Variants in ZNF532 observed in about 807,000 individuals in gnomAD.
ZNF532 encodes the protein zinc finger protein 532.
In ZNF532, 22 loss-of-function variants were observed where a neutral mutation model predicts 89.3. The observed-to-expected ratio is 0.25, with a 90% CI of 0.18 to 0.35. The LOEUF is 0.35. Among genes scored for constraint, ZNF532 ranks in the 10% least tolerant of loss-of-function variants. The pLI is 1.00. For missense variants in ZNF532, 1,132 were observed against 1,643.4 expected (o/e 0.69, Z 5.38); for synonymous variants, 606 against 649.6 (o/e 0.93, Z 1.02).
intron 2 of ZNF532, 23 bp downstream of exon 2, chr18:58,865,602 T>G (rs1270107310): frequency 6.5e-6 from 1 of 153,004 alleles, no homozygotes; most frequent in Non-Finnish European, 1.5e-5. Flanking sequence ...GTTTTGAGCA[T>G]GAATTTAAAT....
At chr18:58,893,809 C>G (rs1009312155) in intron 2 of ZNF532, among the ~76,000 whole-genome samples, 1 of 152,038 alleles carries the variant, frequency 6.6e-6, no homozygotes, top group Admixed American at 6.5e-5. Context: ...AAAGGTTTGC[C>G]TTTTGCTTCT....
At chr18:58,978,799 T>TCATAC (rs1370249886) in intron 7 of ZNF532, among the ~76,000 whole-genome samples, 1 of 152,222 alleles carries the variant, frequency 6.6e-6, no homozygotes, top group African/African-American at 2.4e-5. Flanking sequence ...TATTCTTGTT[T>TCATAC]CATACATACC....
rs1365882513 is a variant in ZNF532 at position 58,985,552 on chromosome 18, T to C, written c.*1086T>C. ...CAATGCAGCCGCCTGTGTATTGCAA[T>C]TGGCCGTTACCTTAAGCACTGAGCC... is the stretch of plus-strand genomic sequence containing the variant. On this transcript the variant is annotated 3_prime_UTR_variant, in exon 10 of 10. Coordinates refer to ENST00000591808, the MANE Select transcript of ZNF532 (RefSeq NM_001375912.1). 1.3e-5 allele frequency: 2 copies of C among 152,596 alleles called. No homozygotes were observed. Among genetic ancestry groups the C allele is most frequent in the Non-Finnish European group, 2.9e-5 (2 of 68,028 alleles). 9.5% of individuals were successfully genotyped at this position (152,596 alleles called of 1,614,324 possible). A position where few individuals can be genotyped will look rare whatever the true frequency, so the allele number is the denominator to read the frequency against.
intron 2 of ZNF532, among the ~76,000 whole-genome samples, chr18:58,887,801 C>A (rs1276038131): frequency 6.6e-6 from 1 of 152,134 alleles, no homozygotes; most frequent in Non-Finnish European, 1.5e-5. Context: ...CACACCGAGT[C>A]GGGGCGAGCT....
intron 4 of ZNF532, among the ~76,000 whole-genome samples, 169 bp from the exon 5 acceptor site, chr18:58,939,276 C>A (rs1350515427): frequency 1.8e-3 from 154 of 86,038 alleles, no homozygotes; most frequent in African/African-American, 3.8e-3. Flanking sequence ...AAAAAAAAAA[C>A]CCATAAACAA....
intron 2 of ZNF532, among the ~76,000 whole-genome samples, chr18:58,879,393 C>T (rs1425368307): frequency 6.6e-6 from 1 of 152,084 alleles, no homozygotes; most frequent in Admixed American, 6.6e-5. Context: ...ATGCAAGTGG[C>T]GACTGCCTTT....
chr18:58,970,090 T>A (rs2066320670), intron 7 of ZNF532, among the ~76,000 whole-genome samples: 1 of 152,184 alleles, frequency 6.6e-6, no homozygotes, highest in African/African-American at 2.4e-5. Flanking sequence ...TTCACTATGT[T>A]GGTCAGGCTG....
chr18:58,918,503 C>G lies in ZNF532; in HGVS notation c.216C>G (p.Asp72Glu), dbSNP rs745845218. The stretch of plus-strand genomic sequence containing the variant: ...TCGTCAAGAATGTTCGGAACATTGA[C>G]TCTTCCGAGGGCGGGGAGAAAGACG... ...SVIVKNVRNI[D>E]SSEGGEKDGH... Residue 72 changes from aspartate to glutamate, a missense_variant, in exon 3 of 10, where the codon GAC (aspartate) becomes GAG (glutamate). This residue lies in a region of ZNF532 where 302 missense variants were observed against 319.8 expected (regional missense o/e 0.94). Coordinates refer to ENST00000591808, the MANE Select transcript of ZNF532 (RefSeq NM_001375912.1). 2 of 1,614,214 alleles carry G rather than the reference C, an allele frequency of 1.2e-6. No homozygotes were observed. Among genetic ancestry groups the G allele is most frequent in the Non-Finnish European group, 1.7e-6 (2 of 1,180,040 alleles).
At chr18:58,966,737 T>TG (rs1473311358) in intron 7 of ZNF532, among the ~76,000 whole-genome samples, 1 of 125,182 alleles carries the variant, frequency 8.0e-6, no homozygotes, top group African/African-American at 4.2e-5. Flanking sequence ...CATTTTTTTG[T>TG]GTTTTTTTTT....
chr18:58,888,871 ATATATT>A lies in ZNF532; in HGVS notation c.-18+23293_-18+23298del, dbSNP rs2058653958. Among the ~76,000 whole-genome samples the A allele has an allele frequency of 1.7e-4, 9 of 53,062 alleles. 1 individual carries two copies. The South Asian group carries it at 4.8e-3, about 28-fold the overall frequency. The allele number at this position is 53,062 out of a possible 152,430, so 34.8% of individuals were successfully genotyped here. ...TATATATAATTTATATATATATAATATATATTATATATATATATTTTATATATATAT... is the reference window on the plus strand; with the variant it reads ...TATATATAATTTATATATATATAATAATATATATATATTTTATATATATAT... On this transcript the variant is annotated intron_variant, in intron 2 of 9. Transcript: ENST00000591808.
At chr18:58,922,435 C>G (rs1291532664) in intron 3 of ZNF532, among the ~76,000 whole-genome samples, 1 of 152,136 alleles carries the variant, frequency 6.6e-6, no homozygotes, top group Non-Finnish European at 1.5e-5. Flanking sequence ...AGAGTTTTGA[C>G]AGCATTCTTG....
chr18:58,970,234 TCA>T (rs1211989905), intron 7 of ZNF532, among the ~76,000 whole-genome samples: 1 of 152,326 alleles, frequency 6.6e-6, no homozygotes, highest in East Asian at 1.9e-4. Context: ...AAAAAATCTT[TCA>T]CAGTGACCTT....
At chr18:58,981,404 G>T in intron 8 of ZNF532, 66 bp from the exon 9 acceptor site, 1 of 1,569,606 alleles carries the variant, frequency 6.4e-7, no homozygotes, top group Non-Finnish European at 8.6e-7. Context: ...ACCTTCGACC[G>T]TGAGTTCTTC....
chr18:58,910,666 G>T lies in ZNF532; in HGVS notation c.-17-7605G>T, dbSNP rs374099730. ...ATTTGTAGTAGAGAGAGAGAGAGGG[G>T]GTTTCATCATGTTGGCCAGGCTGGT... On this transcript the variant is annotated intron_variant, in intron 2 of 9. Coordinates refer to ENST00000591808, the MANE Select transcript of ZNF532 (RefSeq NM_001375912.1). Among the ~76,000 whole-genome samples, 235 of 151,904 alleles carry T rather than the reference G, an allele frequency of 1.5e-3. 1 individual carries two copies. Among genetic ancestry groups the T allele is most frequent in the Middle Eastern group, 6.8e-3 (2 of 294 alleles).
At position 58,968,063 on chromosome 18, in the gene ZNF532, C is replaced by G. The variant is rs181954360; in HGVS notation, c.3151-10992C>G. 2.6e-5 allele frequency among the ~76,000 whole-genome samples: 4 copies of G among 152,326 alleles called. No individual in the cohort carries two copies. The East Asian group carries it at 7.7e-4, about 29-fold the overall frequency. On this transcript the variant is annotated intron_variant, in intron 7 of 9. Transcript: ENST00000591808. ...ATGGTGCTTAAGAACACCACAGTGA[C>G]TAAGATGTTTACAGACACTTAAGAC...
rs1320574814 is a variant in ZNF532 at position 58,986,173 on chromosome 18, T to C, written c.*1707T>C. 6.5e-6 allele frequency: 1 copy of C among 152,684 alleles called. No homozygotes were observed. The highest frequency in any genetic ancestry group is 1.5e-5 in the Non-Finnish European group (1 of 68,048). 9.5% of individuals were successfully genotyped at this position (152,684 alleles called of 1,614,324 possible). Reference sequence around the variant, plus strand: ...GTGTGAATTTCAGCTTGAAATTCCATTGCTGTTCCTTGTTTTGTTTGTATT... The same window carrying C: ...GTGTGAATTTCAGCTTGAAATTCCACTGCTGTTCCTTGTTTTGTTTGTATT... On this transcript the variant is annotated 3_prime_UTR_variant, in exon 10 of 10. Coordinates refer to ENST00000591808, the MANE Select transcript of ZNF532 (RefSeq NM_001375912.1).
chr18:58,895,840 ACTTT>A (rs1180589531), intron 2 of ZNF532, among the ~76,000 whole-genome samples: 92 of 148,714 alleles, frequency 6.2e-4, no homozygotes, highest in African/African-American at 1.4e-3. Flanking sequence ...TCAAATCTTC[ACTTT>A]CTTTCTTTCT....
At chr18:58,976,666 G>A (rs2067095058) in intron 7 of ZNF532, among the ~76,000 whole-genome samples, 1 of 152,000 alleles carries the variant, frequency 6.6e-6, no homozygotes, top group Non-Finnish European at 1.5e-5. Context: ...CTGAGTAGCT[G>A]GGATTATAGG....
At chr18:58,884,470 A>G (rs1031850080) in intron 2 of ZNF532, among the ~76,000 whole-genome samples, 52 of 142,986 alleles carry the variant, frequency 3.6e-4, no homozygotes, top group African/African-American at 1.3e-3. Flanking sequence ...GCTTCTGTGC[A>G]GGATTTAGGA....
Sources: allele counts gnomAD v4.1 joint callset (sites outside exome capture counted in the v4.1 genomes callset), GRCh38; gene constraint gnomAD v4.1.1; regional missense constraint gnomAD v4.1.1; transcripts MANE v1.5; gene names NCBI Gene and HGNC (gene_info 2026-07-23, HGNC 2026-07-21).